The following LIMK1 variants were observed in gnomAD, a reference collection of about 807,000 sequenced individuals.
LIMK1 encodes the protein LIM domain kinase 1.
A neutral mutation model predicts 77.6 loss-of-function variants in LIMK1; 21 were observed. The observed-to-expected ratio is 0.27, with a 90% CI of 0.19 to 0.39. The LOEUF (loss-of-function observed/expected upper bound fraction) is 0.39, where lower values mean the gene tolerates loss of function less well. LIMK1 is among the 10% of genes least tolerant of loss of function. The pLI is 1.00. For missense variants in LIMK1, 696 were observed against 901.6 expected (o/e 0.77, Z 2.92); for synonymous variants, 358 against 370.0 (o/e 0.97, Z 0.37).
chr7:74,111,844 G>T (rs1799705240), intron 11 of LIMK1, 89 bp from the exon 12 acceptor site: 1 of 1,441,534 alleles, frequency 6.9e-7, no homozygotes, highest in Admixed American at 1.7e-5. Context: ...GCCTGATTGG[G>T]GTGGGAGCAG....
chr7:74,089,288 C>T (rs1422831366), intron 2 of LIMK1, among the ~76,000 whole-genome samples: 3 of 152,032 alleles, frequency 2.0e-5, no homozygotes, highest in African/African-American at 7.2e-5. Flanking sequence ...GCAGGTGGAT[C>T]TCTTGAGCCC....
rs534621407 is a variant in LIMK1 at position 74,095,665 on chromosome 7, T to C, written c.153-957T>C. Among the ~76,000 whole-genome samples, 35 of 152,208 alleles carry C rather than the reference T, an allele frequency of 2.3e-4. 1 individual carries two copies. Among genetic ancestry groups the C allele is most frequent in the South Asian group, 8.3e-4 (4 of 4,826 alleles). ...AAGTGATCCTCCCACCTTCGCCTCC[T>C]GAAGTGCTGAGATTACAGGCATGAG... On this transcript the variant is annotated intron_variant, in intron 2 of 15. Coordinates refer to ENST00000336180, the MANE Select transcript of LIMK1 (RefSeq NM_002314.4).
Position 74,106,193 on chromosome 7 carries a change from T to G in LIMK1, c.831T>G (p.Ala277=), listed in dbSNP as rs55775280. 4 of 1,613,914 alleles carry G rather than the reference T, an allele frequency of 2.5e-6. No individual in the cohort carries two copies. The highest frequency in any genetic ancestry group is 1.7e-5 in the Admixed American group (1 of 60,014). Residue 277 remains alanine (A), a synonymous_variant, in exon 7 of 16, where the codon GCT becomes GCG. Coordinates refer to ENST00000336180, the MANE Select transcript of LIMK1 (RefSeq NM_002314.4). The part of the protein sequence containing the change: ...GPETSPLSSP[A]YTPSGEAGSS... Reference sequence around the variant, plus strand: ...AGACCAGCCCCCTGAGCTCTCCGGCTTATACTCCCAGCGGGGAGGCGGGCA... The same window carrying G: ...AGACCAGCCCCCTGAGCTCTCCGGCGTATACTCCCAGCGGGGAGGCGGGCA...
Position 74,085,710 on chromosome 7 carries a change from TC to T in LIMK1, c.56-36del, listed in dbSNP as rs782749291. The T allele has an allele frequency of 9.1e-5, 139 of 1,520,024 alleles. 2 individuals are homozygous for T. The highest frequency in any genetic ancestry group is 4.9e-5 in the Non-Finnish European group (55 of 1,121,572). 94.2% of individuals were successfully genotyped at this position (1,520,024 alleles called of 1,614,324 possible). ...AGCTGGGCCTGCACCAGATCACACTTCCTGAGAATGCTTCCCAACTCCCTTC... is the reference window on the plus strand; with the variant it reads ...AGCTGGGCCTGCACCAGATCACACTTCTGAGAATGCTTCCCAACTCCCTTC... On this transcript the variant is annotated intron_variant, in intron 1 of 15. Transcript: ENST00000336180.
chr7:74,103,159 C>T (rs886685869), intron 5 of LIMK1, among the ~76,000 whole-genome samples: 3 of 151,900 alleles, frequency 2.0e-5, no homozygotes, highest in Non-Finnish European at 2.9e-5. Flanking sequence ...TGAGCCACTG[C>T]GTCTGGCCAT....
chr7:74,100,729 T>TTC (rs1306840357), intron 5 of LIMK1, among the ~76,000 whole-genome samples: 1 of 142,352 alleles, frequency 7.0e-6, no homozygotes, highest in Non-Finnish European at 1.5e-5. Context: ...AGTGCTAGCT[T>TTC]TCTCTCTCTC....
intron 12 of LIMK1, among the ~76,000 whole-genome samples, chr7:74,114,914 CAAAA>C (rs569366868): frequency 8.6e-5 from 6 of 69,882 alleles, no homozygotes; most frequent in African/African-American, 1.1e-4. Context: ...GACTCCAACT[CAAAA>C]AAAAAAAAAA....
intron 12 of LIMK1, among the ~76,000 whole-genome samples, chr7:74,112,301 G>A (rs1471753114): frequency 6.6e-6 from 1 of 152,156 alleles, no homozygotes; most frequent in African/African-American, 2.4e-5. Context: ...GACCAGGACC[G>A]TGGTCTTCAT....
intron 2 of LIMK1, chr7:74,093,323 C>T (rs1004619946): frequency 7.2e-6 from 11 of 1,535,718 alleles, no homozygotes; most frequent in South Asian, 2.4e-5. Context: ...CCCCTCCCTA[C>T]TTGTCCTGGG....
intron 2 of LIMK1, among the ~76,000 whole-genome samples, chr7:74,087,478 T>C (rs1322795037): frequency 6.6e-6 from 1 of 152,038 alleles, no homozygotes; most frequent in East Asian, 1.9e-4. Flanking sequence ...AACAGCAAGG[T>C]TCAGGGGAGA....
chr7:74,107,307 G>T, intron 8 of LIMK1, 114 bp downstream of exon 8: 2 of 1,163,008 alleles, frequency 1.7e-6, no homozygotes, highest in Non-Finnish European at 2.4e-6. Flanking sequence ...AGACTCCCTG[G>T]CCAGTGCCCT....
chr7:74,111,465 T>C, intron 10 of LIMK1, 183 bp from the exon 11 acceptor site: 2 of 600,124 alleles, frequency 3.3e-6, no homozygotes, highest in East Asian at 5.6e-5. Context: ...AAATAATGTC[T>C]GTGAGCTGTG....
intron 2 of LIMK1, among the ~76,000 whole-genome samples, chr7:74,094,668 T>TTAGGTTAGAGCCC (rs1333806217): frequency 1.2e-4 from 19 of 152,252 alleles, no homozygotes; most frequent in African/African-American, 4.6e-4. Context: ...CCCTTTCGAA[T>TTAGGTTAGAGCCC]TAGGTTAGAG....
At chr7:74,105,513 CAAAAAAAA>C (rs201143839) in intron 5 of LIMK1, among the ~76,000 whole-genome samples, 4 of 93,728 alleles carry the variant, frequency 4.3e-5, no homozygotes, top group African/African-American at 9.8e-5. Flanking sequence ...ATTCTGTCTC[CAAAAAAAA>C]AAAAAAAAAA....
chr7:74,116,575 C>G (rs1464930687), intron 13 of LIMK1, among the ~76,000 whole-genome samples: 1 of 152,070 alleles, frequency 6.6e-6, no homozygotes, highest in Non-Finnish European at 1.5e-5. Context: ...TTTTCTGGCT[C>G]GTGGAGGCTT....
At chr7:74,096,055 C>T (rs1799331722) in intron 2 of LIMK1, among the ~76,000 whole-genome samples, 3 of 150,316 alleles carry the variant, frequency 2.0e-5, no homozygotes, top group African/African-American at 4.9e-5. Flanking sequence ...ACCTCTGCCT[C>T]CCAGGTTCAA....
Position 74,121,322 on chromosome 7 carries a change from C to G in LIMK1, c.*21C>G. 6.4e-7 allele frequency: 1 copy of G among 1,550,766 alleles called. No homozygotes were observed. The highest frequency in any genetic ancestry group is 8.7e-7 in the Non-Finnish European group (1 of 1,151,096). The stretch of plus-strand genomic sequence containing the variant: ...ACTGAGCCAGGGCCACTCAGCTGCC[C>G]CTGTCCCCACCTCTGGAGAATCCAC... On this transcript the variant is annotated 3_prime_UTR_variant, in exon 16 of 16. Transcript: ENST00000336180.
intron 5 of LIMK1, among the ~76,000 whole-genome samples, chr7:74,101,981 AC>A (rs1799467561): frequency 6.6e-6 from 1 of 151,856 alleles, no homozygotes; most frequent in Admixed American, 6.6e-5. Flanking sequence ...ACACCACCAC[AC>A]CCAGCTAATT....
At position 74,083,947 on chromosome 7, in the gene LIMK1, G is replaced by GC; in HGVS notation, c.-39dup. 1.3e-6 allele frequency: 1 copy of GC among 785,006 alleles called. No individual in the cohort carries two copies. Among genetic ancestry groups the GC allele is most frequent in the Non-Finnish European group, 1.7e-6 (1 of 599,606 alleles). 48.6% of individuals were successfully genotyped at this position (785,006 alleles called of 1,614,324 possible). ...GGTGGGCGAGCTCGCGGGCCCGGCC[G>GC]CCCCCAGCCCCAGCCCCGCCGGGCC... is the stretch of plus-strand genomic sequence containing the variant. On this transcript the variant is annotated 5_prime_UTR_variant, in exon 1 of 16. Transcript: ENST00000336180.
Sources: allele counts gnomAD v4.1 joint callset (sites outside exome capture counted in the v4.1 genomes callset), GRCh38; gene constraint gnomAD v4.1.1; transcripts MANE v1.5; gene names NCBI Gene and HGNC (gene_info 2026-07-23, HGNC 2026-07-21).